SLIT3: variants seen among roughly 807,000 people sequenced by gnomAD.
SLIT3 encodes slit homolog 3 protein.
Under a neutral mutation model 184.0 loss-of-function variants are expected in SLIT3, and 68 were observed. The observed-to-expected ratio is 0.37, with a 90% CI of 0.30 to 0.45. SLIT3 has a LOEUF of 0.45. SLIT3 is among the 20% of genes least tolerant of loss of function. The pLI is 1.00. For synonymous variants in SLIT3, 831 were observed against 828.6 expected (o/e 1.00, Z -0.05); for missense variants, 1,707 against 2,026.0 (o/e 0.84, Z 3.02).
chr5:168,897,646 G>GCACACACACACACACACACA lies in SLIT3; in HGVS notation c.414-14311_414-14310insTGTGTGTGTGTGTGTGTGTG. ...AGAAAGAGGATGGAGACAGGTGCAC[G>GCACACACACACACACACACA]TACACACACACACACACACACACAC... On this transcript the variant is annotated intron_variant, in intron 4 of 35. Transcript: ENST00000519560. 1.9e-3 allele frequency among the ~76,000 whole-genome samples: 199 copies of GCACACACACACACACACACA among 105,408 alleles called. 1 individual carries two copies. The highest frequency in any genetic ancestry group is 7.7e-3 in the African/African-American group (184 of 23,806). The allele number at this position is 105,408 out of a possible 152,430, so 69.2% of individuals were successfully genotyped here.
chr5:168,831,850 A>T (rs75953170), intron 6 of SLIT3, among the ~76,000 whole-genome samples: 3,057 of 152,326 alleles, frequency 0.02, 104 homozygotes, highest in African/African-American at 0.07. Flanking sequence ...ATATTATGAC[A>T]GGCAGAAATT....
chr5:168,898,995 G>A (rs575688805), intron 4 of SLIT3, among the ~76,000 whole-genome samples: 18 of 142,156 alleles, frequency 1.3e-4, no homozygotes, highest in Admixed American at 5.6e-4. Flanking sequence ...CCAAACATTT[G>A]GGTAAAAGTA....
chr5:169,247,692 T>A (rs945689175), intron 2 of SLIT3, among the ~76,000 whole-genome samples: 5 of 152,128 alleles, frequency 3.3e-5, no homozygotes, highest in Admixed American at 2.6e-4. Context: ...AGACAAGGTC[T>A]CACTTTGTCA....
chr5:169,214,538 C>A (rs151029501), intron 3 of SLIT3, among the ~76,000 whole-genome samples: 2 of 152,092 alleles, frequency 1.3e-5, no homozygotes, highest in Non-Finnish European at 1.5e-5. Flanking sequence ...AGGGGAGGTG[C>A]GGCAAATCCG....
At chr5:169,011,744 G>A (rs190944564) in intron 4 of SLIT3, among the ~76,000 whole-genome samples, 10 of 152,240 alleles carry the variant, frequency 6.6e-5, no homozygotes, top group South Asian at 4.2e-4. Context: ...AAAGTAACCC[G>A]ATGTTATTGT....
rs976570115 is a variant in SLIT3 at position 169,000,939 on chromosome 5, C to G, written c.414-117603G>C. On this transcript the variant is annotated intron_variant, in intron 4 of 35. Coordinates refer to ENST00000519560, the MANE Select transcript of SLIT3 (RefSeq NM_003062.4). ...TGCCAAGCGGTTATTTGAGTTGCGTCGGAAAGCTTTCTTAGTGAATTCTGC... is the reference window on the plus strand; with the variant it reads ...TGCCAAGCGGTTATTTGAGTTGCGTGGGAAAGCTTTCTTAGTGAATTCTGC... Among the ~76,000 whole-genome samples, 3 of 152,246 alleles carry G rather than the reference C, an allele frequency of 2.0e-5. No homozygotes were observed. The South Asian group carries it at 6.2e-4, about 32-fold the overall frequency.
At chr5:169,020,236 A>G (rs566656062) in intron 4 of SLIT3, among the ~76,000 whole-genome samples, 10 of 152,328 alleles carry the variant, frequency 6.6e-5, no homozygotes, top group South Asian at 2.1e-4. Flanking sequence ...TTGAACAAAC[A>G]TATTTCCTTG....
chr5:169,195,898 T>G (rs2113476129), intron 3 of SLIT3, among the ~76,000 whole-genome samples: 1 of 152,304 alleles, frequency 6.6e-6, no homozygotes, highest in South Asian at 2.1e-4. Context: ...ATCATGAGAT[T>G]TATCTTCTTA....
At chr5:168,793,478 T>C (rs1429877282) in intron 10 of SLIT3, among the ~76,000 whole-genome samples, 1 of 152,164 alleles carries the variant, frequency 6.6e-6, no homozygotes, top group Non-Finnish European at 1.5e-5. Context: ...TGCTCTCTTC[T>C]CTATTGCCAT....
intron 8 of SLIT3, among the ~76,000 whole-genome samples, chr5:168,814,336 C>T (rs1757259571): frequency 6.6e-6 from 1 of 152,302 alleles, no homozygotes; most frequent in East Asian, 1.9e-4. Flanking sequence ...GCAGAAGTTG[C>T]AGTGAGCCAA....
intron 4 of SLIT3, among the ~76,000 whole-genome samples, chr5:168,884,549 G>GAGATATAT (rs1260481453): frequency 7.3e-5 from 3 of 41,138 alleles, no homozygotes; most frequent in African/African-American, 3.3e-4. Flanking sequence ...CCAATTACGA[G>GAGATATAT]ATATATATAT....
At chr5:168,895,163 A>C (rs527522087) in intron 4 of SLIT3, among the ~76,000 whole-genome samples, 1 of 152,300 alleles carries the variant, frequency 6.6e-6, no homozygotes, top group African/African-American at 2.4e-5. Flanking sequence ...GTAACCTTAA[A>C]TGTTCAGCTT....
intron 4 of SLIT3, among the ~76,000 whole-genome samples, chr5:168,954,917 C>T (rs1004418055): frequency 3.9e-5 from 6 of 152,192 alleles, no homozygotes; most frequent in Admixed American, 6.5e-5. Flanking sequence ...CTTTAAGAAA[C>T]GTGTCTATGT....
intron 3 of SLIT3, among the ~76,000 whole-genome samples, chr5:169,222,895 A>G (rs1225196212): frequency 1.3e-5 from 2 of 152,180 alleles, no homozygotes; most frequent in African/African-American, 2.4e-5. Flanking sequence ...TTGGTTGTTA[A>G]CCAAAATGGC....
chr5:169,159,801 T>C (rs537611369), intron 4 of SLIT3, among the ~76,000 whole-genome samples: 1 of 152,224 alleles, frequency 6.6e-6, no homozygotes, highest in South Asian at 2.1e-4. Flanking sequence ...AAAAAAAGCA[T>C]GACCCAACTA....
chr5:169,176,691 C>T (rs1278890282), intron 4 of SLIT3, among the ~76,000 whole-genome samples: 2 of 152,160 alleles, frequency 1.3e-5, no homozygotes, highest in Non-Finnish European at 1.5e-5. Context: ...TGTAACGTTG[C>T]CCTGTAGCAC....
intron 14 of SLIT3, 118 bp from the exon 15 acceptor site, chr5:168,762,807 C>T: frequency 1.0e-6 from 1 of 999,870 alleles, no homozygotes; most frequent in Non-Finnish European, 1.5e-6. Context: ...TGTTAGGGGT[C>T]AAGTAACAGA....
rs561035379 is a variant in SLIT3 at position 169,198,867 on chromosome 5, G to A, written c.342-5317C>T. Among the ~76,000 whole-genome samples, 56 of 152,084 alleles carry A rather than the reference G, an allele frequency of 3.7e-4. No homozygotes were observed. The East Asian group carries it at 0.01, about 28-fold the overall frequency. The stretch of plus-strand genomic sequence containing the variant: ...GAATCACTTGAACCCAGGAGGCAGA[G>A]GTTGTGGTGAGCTGAGATCACACCA... On this transcript the variant is annotated intron_variant, in intron 3 of 35. Coordinates refer to ENST00000519560, the MANE Select transcript of SLIT3 (RefSeq NM_003062.4).
intron 4 of SLIT3, among the ~76,000 whole-genome samples, chr5:168,892,232 AT>A (rs1352607741): frequency 6.6e-6 from 1 of 152,272 alleles, no homozygotes; most frequent in Non-Finnish European, 1.5e-5. Flanking sequence ...GATGTAATCA[AT>A]ATAAACATTT....
Sources: allele counts gnomAD v4.1 joint callset (sites outside exome capture counted in the v4.1 genomes callset), GRCh38; gene constraint gnomAD v4.1.1; transcripts MANE v1.5; gene names NCBI Gene and HGNC (gene_info 2026-07-23, HGNC 2026-07-21).